The following SPNS2 variants were observed in gnomAD, a reference collection of about 807,000 sequenced individuals.
SPNS2 encodes the protein sphingosine-1-phosphate transporter SPNS2.
A neutral mutation model predicts 57.6 loss-of-function variants in SPNS2; 37 were observed. The ratio of observed to expected loss-of-function variants is 0.64; its 90% CI spans 0.49 to 0.85. The LOEUF (loss-of-function observed/expected upper bound fraction) is 0.85. Ranked by LOEUF, SPNS2 falls within the 40% of genes least tolerant of loss-of-function variation. The pLI is 0.00. For synonymous variants in SPNS2, 440 were observed against 346.9 expected (o/e 1.27, Z -2.98); for missense variants, 831 against 779.1 (o/e 1.07, Z -0.79).
intron 12 of SPNS2, 37 bp downstream of exon 12, chr17:4,536,983 A>C (rs764466919): frequency 6.2e-7 from 1 of 1,609,092 alleles, no homozygotes. Context: ...GGGCTCCCTA[A>C]GGAAAGGGGA....
chr17:4,501,641 G>T (rs1904517833), intron 1 of SPNS2, among the ~76,000 whole-genome samples: 1 of 152,126 alleles, frequency 6.6e-6, no homozygotes, highest in African/African-American at 2.4e-5. Context: ...CTCTATGGTA[G>T]ATTTCCCCAT....
intron 1 of SPNS2, among the ~76,000 whole-genome samples, chr17:4,503,524 C>T (rs1904589201): frequency 6.6e-6 from 1 of 152,186 alleles, no homozygotes; most frequent in African/African-American, 2.4e-5. Flanking sequence ...GCCATTCTTA[C>T]CTCTGTGAAA....
chr17:4,539,023 C>T lies in SPNS2; in HGVS notation c.*1575C>T, dbSNP rs150615002. 4 of 841,646 alleles carry T rather than the reference C, an allele frequency of 4.8e-6. No individual in the cohort carries two copies. Among genetic ancestry groups the T allele is most frequent in the Non-Finnish European group, 8.4e-6 (4 of 474,578 alleles). 52.1% of individuals were successfully genotyped at this position (841,646 alleles called of 1,614,324 possible). A position where few individuals can be genotyped will look rare whatever the true frequency, so the allele number is the denominator to read the frequency against. The stretch of plus-strand genomic sequence containing the variant: ...TTCCTCTTGTAAATGAAGAAATAAA[C>T]CTATTTAAATCACCCCCTGGTGGCT... On this transcript the variant is annotated 3_prime_UTR_variant, in exon 13 of 13. Coordinates refer to ENST00000329078, the MANE Select transcript of SPNS2 (RefSeq NM_001124758.3).
At chr17:4,537,049 G>A in intron 12 of SPNS2, 103 bp downstream of exon 12, 1 of 1,251,462 alleles carries the variant, frequency 8.0e-7, no homozygotes, top group Non-Finnish European at 1.1e-6. Flanking sequence ...TCCTACCCCA[G>A]CACATCCCAC....
chr17:4,516,344 C>CAA (rs796542293), intron 2 of SPNS2, among the ~76,000 whole-genome samples: 22 of 34,412 alleles, frequency 6.4e-4, no homozygotes, highest in African/African-American at 7.4e-4. Context: ...AAAAAAAAAA[C>CAA]AAAAAAACCG....
chr17:4,513,347 A>C (rs369356916), intron 2 of SPNS2, 35 bp downstream of exon 2: 15 of 1,609,972 alleles, frequency 9.3e-6, no homozygotes, highest in African/African-American at 5.3e-5. Flanking sequence ...CCCCACGCCC[A>C]GGCGTTGGCG....
At chr17:4,519,020 A>G (rs1158139700) in intron 2 of SPNS2, among the ~76,000 whole-genome samples, 2 of 151,950 alleles carry the variant, frequency 1.3e-5, no homozygotes, top group Non-Finnish European at 2.9e-5. Context: ...TGATGGGGCC[A>G]TCTGTCCTGA....
At chr17:4,524,216 GTGGTA>G (rs1905210721) in intron 2 of SPNS2, among the ~76,000 whole-genome samples, 1 of 152,186 alleles carries the variant, frequency 6.6e-6, no homozygotes. Context: ...GGGGTGCAGT[GTGGTA>G]AAGTATAAGG....
chr17:4,525,042 C>A lies in SPNS2; in HGVS notation c.437-15C>A. 6.2e-7 allele frequency: 1 copy of A among 1,611,782 alleles called. No homozygotes were observed. The highest frequency in any genetic ancestry group is 8.5e-7 in the Non-Finnish European group (1 of 1,177,996). On this transcript the variant is annotated splice_polypyrimidine_tract_variant and intron_variant, in intron 2 of 12. Transcript: ENST00000329078. ...AGGGACCTGGGCCCCCCCTCAAGCT[C>A]TCCTCTCCCTGCAGTGTTCATCTGT...
chr17:4,513,691 C>T (rs1445507929), intron 2 of SPNS2, among the ~76,000 whole-genome samples: 2 of 152,200 alleles, frequency 1.3e-5, no homozygotes, highest in Non-Finnish European at 2.9e-5. Context: ...GCCAGCAGAG[C>T]CGTGGTGACC....
rs560692729 is a variant in SPNS2 at position 4,524,964 on chromosome 17, C to G, written c.437-93C>G. ...GGGCTGCTTCCTTGGTCCCTTTGCT[C>G]CACAGACTCTTGGCCCCAAGCCGGA... On this transcript the variant is annotated intron_variant, in intron 2 of 12. Transcript: ENST00000329078. 35 of 1,543,698 alleles carry G rather than the reference C, an allele frequency of 2.3e-5. 1 individual carries two copies. Among genetic ancestry groups the G allele is most frequent in the African/African-American group, 2.2e-4 (16 of 73,148 alleles).
In SPNS2 at chr17:4,498,940, C is replaced by CCGGAGCGCAGGAG; in HGVS notation, c.-107_-106insGGAGCGCAGGAGC. On this transcript the variant is annotated 5_prime_UTR_variant, in exon 1 of 13. Coordinates refer to ENST00000329078, the MANE Select transcript of SPNS2 (RefSeq NM_001124758.3). ...GGCCGGAGCGCAGGAGCCGACGGGG[C>CCGGAGCGCAGGAG]CCGACCAGGATGGTGCAGTGGCGGC... is the stretch of plus-strand genomic sequence containing the variant. The CCGGAGCGCAGGAG allele has an allele frequency of 1.6e-6, 1 of 638,346 alleles. No individual in the cohort carries two copies. The highest frequency in any genetic ancestry group is 6.9e-5 in the South Asian group (1 of 14,572). The allele number at this position is 638,346 out of a possible 1,614,324, so 39.5% of individuals were successfully genotyped here.
chr17:4,531,169 C>A (rs1351180608), intron 5 of SPNS2, 50 bp downstream of exon 5: 1 of 1,579,740 alleles, frequency 6.3e-7, no homozygotes, highest in Non-Finnish European at 8.7e-7. Flanking sequence ...CCAGACCTCG[C>A]CCCAGGGTTG....
intron 2 of SPNS2, among the ~76,000 whole-genome samples, chr17:4,519,728 G>C (rs942070080): frequency 6.8e-6 from 1 of 147,950 alleles, no homozygotes; most frequent in African/African-American, 2.5e-5. Flanking sequence ...ACGGGATTGC[G>C]GGGTGGTGGG....
chr17:4,515,373 G>A (rs1013566446), intron 2 of SPNS2, among the ~76,000 whole-genome samples: 113 of 152,310 alleles, frequency 7.4e-4, no homozygotes, highest in African/African-American at 2.6e-3. Context: ...GAGAGCAGCC[G>A]GCCTGGAATA....
intron 1 of SPNS2, among the ~76,000 whole-genome samples, chr17:4,505,213 G>A (rs1904642064): frequency 6.6e-6 from 1 of 152,150 alleles, no homozygotes; most frequent in African/African-American, 2.4e-5. Flanking sequence ...GCATGCATAG[G>A]AGACTGCCCC....
rs1470269113 is a variant in SPNS2, at chr17:4,531,033, C to A, written c.726-20C>A. 1 of 1,613,560 alleles carries A rather than the reference C, an allele frequency of 6.2e-7. No homozygotes were observed. Among genetic ancestry groups the A allele is most frequent in the East Asian group, 2.2e-5 (1 of 44,882 alleles). On this transcript the variant is annotated intron_variant, in intron 4 of 12. Coordinates refer to ENST00000329078, the MANE Select transcript of SPNS2 (RefSeq NM_001124758.3). ...CAGCCCCTGTCTCTGCTCAGCCTGA[C>A]GTGTGTCTCTTCTCTGCAGTGGCCT... is the stretch of plus-strand genomic sequence containing the variant.
chr17:4,522,668 G>A (rs557906845), intron 2 of SPNS2, among the ~76,000 whole-genome samples: 5 of 152,328 alleles, frequency 3.3e-5, no homozygotes, highest in African/African-American at 7.2e-5. Context: ...TCAGCCTGGC[G>A]GTCAGAGGCC....
rs1567597697 is a variant in SPNS2, at chr17:4,536,193, GGGCTGGCCAGGGC to G, written c.1443+20_1443+32del. On this transcript the variant is annotated intron_variant, in intron 10 of 12. Transcript: ENST00000329078. ...TGGCTTTGTGAGTAGCCCCGGGGTG[GGGCTGGCCAGGGC>G]AGGCTGGGGGACTGCAGGAGGGCTC... The G allele has an allele frequency of 1.2e-6, 2 of 1,608,694 alleles. No homozygotes were observed. Among genetic ancestry groups the G allele is most frequent in the Non-Finnish European group, 8.5e-7 (1 of 1,178,274 alleles).
Sources: allele counts gnomAD v4.1 joint callset (sites outside exome capture counted in the v4.1 genomes callset), GRCh38; gene constraint gnomAD v4.1.1; transcripts MANE v1.5; gene names NCBI Gene and HGNC (gene_info 2026-07-23, HGNC 2026-07-21).